The following RNF115 variants were observed in gnomAD, a reference collection of about 807,000 sequenced individuals.
RNF115 encodes E3 ubiquitin-protein ligase RNF115.
In RNF115, 31 loss-of-function variants were observed where a neutral mutation model predicts 39.2. The ratio of observed to expected loss-of-function variants is 0.79; its 90% CI spans 0.59 to 1.07. The LOEUF is 1.07. Among genes scored for constraint, RNF115 ranks in the 50% least tolerant of loss-of-function variants. RNF115 has a pLI of 0.00. For synonymous variants in RNF115, 124 were observed against 131.0 expected (o/e 0.95, Z 0.37); for missense variants, 384 against 381.7 (o/e 1.01, Z -0.05).
At chr1:145,789,995 G>C (rs150526157) in intron 1 of RNF115, among the ~76,000 whole-genome samples, 295 of 152,168 alleles carry the variant, frequency 1.9e-3, no homozygotes, top group Non-Finnish European at 3.7e-3. Context: ...ACCACGCCCA[G>C]TCCCGGCCTA....
rs587756046 is a variant in RNF115, at chr1:145,806,686, G to C, written c.102+17086C>G. On this transcript the variant is annotated intron_variant, in intron 1 of 8. Coordinates refer to ENST00000582693, the MANE Select transcript of RNF115 (RefSeq NM_014455.4). ...CCTCCCCTTTCTCTCTTGCCTTGCG[G>C]AACACCTGCTTCCCCTTGGCCTTCC... Among the ~76,000 whole-genome samples the C allele has an allele frequency of 3.0e-4, 45 of 152,280 alleles. 1 individual carries two copies. Among genetic ancestry groups the C allele is most frequent in the Middle Eastern group, 6.8e-3 (2 of 294 alleles).
chr1:145,784,179 T>C (rs1553717810), intron 3 of RNF115, among the ~76,000 whole-genome samples: 1 of 152,230 alleles, frequency 6.6e-6, no homozygotes. Context: ...GCACTTTACC[T>C]GGTTGTCACA....
chr1:145,761,995 T>C (rs944476541), intron 4 of RNF115, among the ~76,000 whole-genome samples: 12 of 152,220 alleles, frequency 7.9e-5, no homozygotes, highest in Non-Finnish European at 1.3e-4. Flanking sequence ...GCTTCAAAAT[T>C]TGACTGTCCT....
At chr1:145,795,414 G>A (rs1264253952) in intron 1 of RNF115, among the ~76,000 whole-genome samples, 5 of 151,996 alleles carry the variant, frequency 3.3e-5, no homozygotes, top group Non-Finnish European at 5.9e-5. Flanking sequence ...ATTTGTCCCC[G>A]CCCACGTCCT....
intron 3 of RNF115, among the ~76,000 whole-genome samples, chr1:145,780,491 G>A (rs924095440): frequency 3.3e-5 from 5 of 151,310 alleles, no homozygotes; most frequent in African/African-American, 9.7e-5. Context: ...GTGGTGGCAC[G>A]CGCCTGTGGT....
intron 3 of RNF115, among the ~76,000 whole-genome samples, chr1:145,780,594 T>C (rs1648095829): frequency 7.8e-6 from 1 of 128,558 alleles, no homozygotes; most frequent in Admixed American, 9.5e-5. Context: ...CACCCCAGCC[T>C]GGGCAACAGA....
chr1:145,809,488 A>ATTTTTTTTTTTTTTTTTTT (rs781918386), intron 1 of RNF115, among the ~76,000 whole-genome samples: 11 of 46,344 alleles, frequency 2.4e-4, no homozygotes, highest in African/African-American at 9.6e-4. Context: ...GACCCAGCTA[A>ATTTTTTTTTTTTTTTTTTT]TTTTTTTTTT....
chr1:145,747,274 T>C (rs1190389718), intron 8 of RNF115, among the ~76,000 whole-genome samples: 2 of 152,010 alleles, frequency 1.3e-5, no homozygotes, highest in East Asian at 1.9e-4. Flanking sequence ...CCAGAAACAG[T>C]GAGTGATCTA....
intron 1 of RNF115, among the ~76,000 whole-genome samples, chr1:145,792,879 A>C (rs2101576437): frequency 6.6e-6 from 1 of 152,296 alleles, no homozygotes; most frequent in East Asian, 1.9e-4. Context: ...CTACACACAT[A>C]AAGGATGAGA....
Position 145,750,429 on chromosome 1 carries a change from C to T in RNF115, c.645G>A (p.Val215=). The change falls in exon 7 of 9, where the codon GTG becomes GTA. Residue 215 remains valine, a synonymous_variant. Transcript: ENST00000582693. ...TACCAACTTGTTCCTGAGTTACTGT[C>T]ACTGTTGGAAGAGATGTGATCTTTT... is the stretch of plus-strand genomic sequence containing the variant. ...DKEKITSLPT[V]TVTQEQVDMG... 13 of 1,613,442 alleles carry T rather than the reference C, an allele frequency of 8.1e-6. No individual in the cohort carries two copies. The highest frequency in any genetic ancestry group is 1.1e-5 in the Non-Finnish European group (13 of 1,179,536).
chr1:145,820,667 TG>T (rs1650196495), intron 1 of RNF115, among the ~76,000 whole-genome samples: 1 of 151,700 alleles, frequency 6.6e-6, no homozygotes, highest in African/African-American at 2.4e-5. Context: ...ACCCAGGAGG[TG>T]GAGGTTGTAG....
rs782401526 is a variant in RNF115 at position 145,788,918 on chromosome 1, C to A, written c.151G>T (p.Asp51Tyr). The A allele has an allele frequency of 1.3e-6, 2 of 1,595,944 alleles. No individual in the cohort carries two copies. Among genetic ancestry groups the A allele is most frequent in the East Asian group, 2.2e-5 (1 of 44,792 alleles). Residue 51 changes from aspartate (D) to tyrosine (Y), a missense_variant, in exon 2 of 9, where the codon GAT (aspartate) becomes TAT (tyrosine). Coordinates refer to ENST00000582693, the MANE Select transcript of RNF115 (RefSeq NM_014455.4). ...CESGFIEEVT[D>Y]DSSFLGGGGS... ...GAGCTTGTACAATACCTGGAATCAT[C>A]TGTCACTTCTTCAATAAAGCCTGAT...
chr1:145,786,881 G>T (rs1553718144), intron 2 of RNF115: 2 of 164,280 alleles, frequency 1.2e-5, no homozygotes, highest in Non-Finnish European at 2.5e-5. Flanking sequence ...TGTTGGTATT[G>T]TACTATTTAA....
intron 4 of RNF115, among the ~76,000 whole-genome samples, chr1:145,770,810 T>C (rs1647604892): frequency 6.6e-6 from 1 of 152,188 alleles, no homozygotes; most frequent in Non-Finnish European, 1.5e-5. Flanking sequence ...TCCAACTAAA[T>C]GAGATCCATG....
At chr1:145,794,786 G>A (rs587695228) in intron 1 of RNF115, among the ~76,000 whole-genome samples, 1 of 151,854 alleles carries the variant, frequency 6.6e-6, no homozygotes, top group South Asian at 2.1e-4. Flanking sequence ...GGGAGGCCGA[G>A]GAGGGTGGAT....
chr1:145,749,572 T>A (rs587739298), intron 7 of RNF115, among the ~76,000 whole-genome samples: 2 of 152,302 alleles, frequency 1.3e-5, no homozygotes, highest in South Asian at 4.1e-4. Flanking sequence ...CCCTTCTTCA[T>A]CCCATTATGC....
At chr1:145,760,939 C>T (rs1658478191) in intron 4 of RNF115, among the ~76,000 whole-genome samples, 1 of 152,176 alleles carries the variant, frequency 6.6e-6, no homozygotes, top group Admixed American at 6.5e-5. Context: ...AAGGTCCAGG[C>T]TGAGGTGGTC....
chr1:145,806,353 A>T (rs1312271032), intron 1 of RNF115, among the ~76,000 whole-genome samples: 1 of 152,192 alleles, frequency 6.6e-6, no homozygotes, highest in Non-Finnish European at 1.5e-5. Flanking sequence ...ATCTCAAAAA[A>T]ATAAAATAGA....
chr1:145,792,567 C>G (rs1395721569), intron 1 of RNF115, among the ~76,000 whole-genome samples: 2 of 151,962 alleles, frequency 1.3e-5, no homozygotes, highest in Non-Finnish European at 1.5e-5. Context: ...CAAGAAACAG[C>G]AAATTTAATA....
Sources: gnomAD v4.1 joint callset for allele counts (sites outside exome capture counted in the v4.1 genomes callset) on GRCh38, gnomAD v4.1.1 for gene constraint, MANE v1.5 for transcripts, NCBI Gene and HGNC (gene_info 2026-07-23, HGNC 2026-07-21) for gene names.